Variants in FNBP1 observed in about 807,000 individuals in gnomAD.
FNBP1 encodes the protein formin-binding protein 1.
Under a neutral mutation model 90.6 loss-of-function variants are expected in FNBP1, and 26 were observed. That is an observed-to-expected ratio of 0.29 (90% CI 0.21 to 0.40). The LOEUF is 0.40. Among genes scored for constraint, FNBP1 ranks in the 10% least tolerant of loss-of-function variants. The pLI is 1.00. For missense variants in FNBP1, 635 were observed against 768.0 expected (o/e 0.83, Z 2.05); for synonymous variants, 260 against 265.2 (o/e 0.98, Z 0.19).
At chr9:129,946,767 T>C (rs2045355343) in intron 6 of FNBP1, among the ~76,000 whole-genome samples, 1 of 152,204 alleles carries the variant, frequency 6.6e-6, no homozygotes, top group Admixed American at 6.5e-5. Flanking sequence ...ATTTTGCATT[T>C]AGAAATTATG....
rs200069723 is a variant in FNBP1, at chr9:129,994,906, T to A, written c.77A>T (p.Glu26Val). ...TTCTTTCACAAACTTGATATATTTC[T>A]CAAGAATATCAATTCCCCACTGTGT... ...KHTQWGIDILEKYIKFVKERT... is the reference protein window; with the variant it reads ...KHTQWGIDILVKYIKFVKERT... Residue 26 changes from glutamate to valine, a missense_variant, in exon 2 of 17, where the codon GAG becomes GTG. Transcript: ENST00000446176. The A allele has an allele frequency of 1.9e-6, 3 of 1,608,856 alleles. No individual in the cohort carries two copies. The highest frequency in any genetic ancestry group is 2.6e-6 in the Non-Finnish European group (3 of 1,176,434).
In FNBP1 at chr9:130,041,572, T is replaced by A. The variant is rs1445229814; in HGVS notation, c.24+1380A>T. 2.0e-5 allele frequency among the ~76,000 whole-genome samples: 3 copies of A among 152,234 alleles called. No homozygotes were observed. Among genetic ancestry groups the A allele is most frequent in the Non-Finnish European group, 4.4e-5 (3 of 68,044 alleles). ...TTTTGCCTAAACTGGTGTGTGCAAA[T>A]ATTTTAAACTATTTTATTTTCAAAA... On this transcript the variant is annotated intron_variant, in intron 1 of 16. Transcript: ENST00000446176. This position sits in a 1 kb window ranked among gnomAD's most constrained non-coding sequence, Gnocchi z 4.3.
intron 16 of FNBP1, chr9:129,895,400 C>T (rs775411693): frequency 3.0e-5 from 33 of 1,088,632 alleles, no homozygotes; most frequent in Non-Finnish European, 3.7e-5. Context: ...CAATCTGTAA[C>T]CACCTAATGT....
chr9:129,927,108 G>A, intron 8 of FNBP1, 87 bp downstream of exon 8: 1 of 1,359,708 alleles, frequency 7.4e-7, no homozygotes, highest in Non-Finnish European at 1.0e-6. Flanking sequence ...ACCATGAGAT[G>A]ATGACATGAG....
rs1415796089 is a variant in FNBP1 at position 129,965,694 on chromosome 9, A to G, written c.346-7141T>C. On this transcript the variant is annotated intron_variant, in intron 4 of 16. Coordinates refer to ENST00000446176, the MANE Select transcript of FNBP1 (RefSeq NM_015033.3). ...CCCATCTCTCTTAAAACACACACAC[A>G]CACGCGCGCGCGCGCACACACACAC... is the stretch of plus-strand genomic sequence containing the variant. 1.3e-4 allele frequency among the ~76,000 whole-genome samples: 16 copies of G among 119,352 alleles called. No individual in the cohort carries two copies. The South Asian group carries it at 1.5e-3, about 11-fold the overall frequency. The allele number at this position is 119,352 out of a possible 152,430, so 78.3% of individuals were successfully genotyped here.
At chr9:129,984,945 T>C (rs1015850574) in intron 2 of FNBP1, among the ~76,000 whole-genome samples, 15 of 152,118 alleles carry the variant, frequency 9.9e-5, no homozygotes, top group Non-Finnish European at 4.4e-5. Flanking sequence ...CTTCCCAGTC[T>C]CGGGTATGTC....
intron 4 of FNBP1, among the ~76,000 whole-genome samples, chr9:129,978,112 C>G (rs975615370): frequency 2.6e-5 from 4 of 152,054 alleles, no homozygotes; most frequent in Non-Finnish European, 1.5e-5. Context: ...CCTCCGCCTC[C>G]CAGGTTCAAG....
At chr9:129,908,246 C>CAGGCTGG (rs1441823677) in intron 12 of FNBP1, among the ~76,000 whole-genome samples, 2 of 148,320 alleles carry the variant, frequency 1.3e-5, no homozygotes, top group Non-Finnish European at 3.0e-5. Context: ...CTCTGTTGCC[C>CAGGCTGG]AGGCTGGAGT....
chr9:129,971,557 A>G (rs1281137899), intron 4 of FNBP1, among the ~76,000 whole-genome samples: 1 of 152,030 alleles, frequency 6.6e-6, no homozygotes, highest in Non-Finnish European at 1.5e-5. Context: ...CGCCTGGTTA[A>G]TTTTTGTATT....
chr9:130,042,964 G>T lies in FNBP1; in HGVS notation c.12C>A (p.Gly4=). 1 of 1,226,806 alleles carries T rather than the reference G, an allele frequency of 8.2e-7. No individual in the cohort carries two copies. 76.0% of individuals were successfully genotyped at this position (1,226,806 alleles called of 1,614,324 possible). A position where few individuals can be genotyped will look rare whatever the true frequency, so the allele number is the denominator to read the frequency against. The change falls in exon 1 of 17, where the codon GGC becomes GGA. Residue 4 remains glycine, a synonymous_variant. Transcript: ENST00000446176. This position sits in a 1 kb window ranked among gnomAD's most constrained non-coding sequence, Gnocchi z 5.5. The stretch of plus-strand genomic sequence containing the variant: ...GCCCCTCACTCACCCAGAGCTCGGT[G>T]CCCCAGCTCATGGTGCAGGGGACGC... The part of the protein sequence containing the change: MSW[G]TELWDQFDNL...
chr9:129,979,212 T>C, intron 3 of FNBP1, 106 bp downstream of exon 3: 1 of 643,260 alleles, frequency 1.6e-6, no homozygotes, highest in Admixed American at 2.9e-5. Flanking sequence ...TGACACAAAA[T>C]GAATGGGAAA....
At chr9:129,920,170 T>G (rs1239660086) in intron 10 of FNBP1, among the ~76,000 whole-genome samples, 4 of 152,216 alleles carry the variant, frequency 2.6e-5, no homozygotes, top group Non-Finnish European at 4.4e-5. Context: ...GGAAATTTTT[T>G]TTAACAAAGA....
At chr9:129,955,426 G>A (rs1283505763) in intron 6 of FNBP1, among the ~76,000 whole-genome samples, 1 of 151,848 alleles carries the variant, frequency 6.6e-6, no homozygotes, top group African/African-American at 2.4e-5. Context: ...TATGGAGAAA[G>A]GGTCTCACCA....
Position 129,890,659 on chromosome 9 carries a change from T to C in FNBP1, c.1847-113A>G, listed in dbSNP as rs1340655850. The C allele has an allele frequency of 2.8e-6, 2 of 722,652 alleles. No individual in the cohort carries two copies. The highest frequency in any genetic ancestry group is 1.6e-5 in the South Asian group (1 of 62,482). The allele number at this position is 722,652 out of a possible 1,614,324, so 44.8% of individuals were successfully genotyped here. On this transcript the variant is annotated intron_variant, in intron 16 of 16. Transcript: ENST00000446176. This position sits in a 1 kb window ranked among gnomAD's most constrained non-coding sequence, Gnocchi z 5.8. ...ACTGCACCGCCCTGGGAGGGGAGGG[T>C]AGTGGGAGGGGAGGGATGGGAGGGG...
intron 10 of FNBP1, among the ~76,000 whole-genome samples, chr9:129,916,746 T>C (rs1176340656): frequency 6.6e-6 from 1 of 152,160 alleles, no homozygotes; most frequent in Non-Finnish European, 1.5e-5. Flanking sequence ...GAAAGTAATA[T>C]TTTAATCTTA....
chr9:129,976,918 C>T (rs910974140), intron 4 of FNBP1, among the ~76,000 whole-genome samples: 20 of 152,068 alleles, frequency 1.3e-4, no homozygotes, highest in Non-Finnish European at 2.5e-4. Flanking sequence ...GTAATCCCAG[C>T]ACTTTGGGAG....
chr9:129,896,262 G>GTA (rs1554757437), intron 15 of FNBP1, among the ~76,000 whole-genome samples: 2 of 152,098 alleles, frequency 1.3e-5, no homozygotes, highest in East Asian at 3.9e-4. Flanking sequence ...TCCCAGAATG[G>GTA]TAAGTATTTC....
intron 2 of FNBP1, among the ~76,000 whole-genome samples, chr9:129,983,795 A>G (rs1165344954): frequency 6.6e-6 from 1 of 152,178 alleles, no homozygotes; most frequent in African/African-American, 2.4e-5. Flanking sequence ...TGGGTGACAG[A>G]GCAAGACTTC....
At chr9:129,934,457 T>C (rs1397857891) in intron 6 of FNBP1, among the ~76,000 whole-genome samples, 1 of 152,180 alleles carries the variant, frequency 6.6e-6, no homozygotes, top group African/African-American at 2.4e-5. Flanking sequence ...GCTTTTGTTG[T>C]CCAACAGGAA....
Sources: allele counts gnomAD v4.1 joint callset (sites outside exome capture counted in the v4.1 genomes callset), GRCh38; gene constraint gnomAD v4.1.1; non-coding constraint Gnocchi (gnomAD v3.1); transcripts MANE v1.5; gene names NCBI Gene and HGNC (gene_info 2026-07-23, HGNC 2026-07-21).